Variants in OXNAD1 observed in about 807,000 individuals in gnomAD.
The protein encoded by OXNAD1 is oxidoreductase NAD binding domain containing 1, also known as oxidoreductase NAD-binding domain-containing protein 1.
OXNAD1 carries 34 observed loss-of-function variants against 32.9 expected under a neutral mutation model. The ratio of observed to expected loss-of-function variants is 1.03; its 90% confidence interval spans 0.79 to 1.38. OXNAD1 has a LOEUF of 1.38. Ranked by LOEUF, OXNAD1 falls within the 40% of genes most tolerant of loss-of-function variation. The pLI is 0.00. For synonymous variants in OXNAD1, 134 were observed against 135.2 expected (o/e 0.99, Z 0.06); for missense variants, 407 against 379.4 (o/e 1.07, Z -0.60).
At chr3:16,279,527 T>A (rs1410521849) in intron 4 of OXNAD1, among the ~76,000 whole-genome samples, 1 of 151,866 alleles carries the variant, frequency 6.6e-6, no homozygotes, top group Non-Finnish European at 1.5e-5. Flanking sequence ...AGATGAAAAG[T>A]TGAGGCCACG....
In OXNAD1 at chr3:16,304,731, C is replaced by T. The variant is rs2067423839; in HGVS notation, c.*1169C>T. ...GGTGAAGGGAGCCTGGGAAGAAGGACAGATAAGTGCTGGAGACCTAGGAGC... is the reference window on the plus strand; with the variant it reads ...GGTGAAGGGAGCCTGGGAAGAAGGATAGATAAGTGCTGGAGACCTAGGAGC... On this transcript the variant is annotated 3_prime_UTR_variant, in exon 9 of 9. Transcript: ENST00000285083. This position sits in a 1 kb window ranked among gnomAD's most constrained non-coding sequence, Gnocchi z 4.6. 1 of 152,268 alleles carries T rather than the reference C, an allele frequency of 6.6e-6. No homozygotes were observed. Among genetic ancestry groups the T allele is most frequent in the Non-Finnish European group, 1.5e-5 (1 of 68,108 alleles). 9.4% of individuals were successfully genotyped at this position (152,268 alleles called of 1,614,324 possible).
Position 16,327,018 on chromosome 3 carries a change from C to G in OXNAD1, c.*31-10094C>G, listed in dbSNP as rs2069773762. 1.7e-6 allele frequency: 1 copy of G among 600,476 alleles called. No individual in the cohort carries two copies. The highest frequency in any genetic ancestry group is 2.9e-6 in the Non-Finnish European group (1 of 343,954). 37.2% of individuals were successfully genotyped at this position (600,476 alleles called of 1,614,324 possible). A position where few individuals can be genotyped will look rare whatever the true frequency, so the allele number is the denominator to read the frequency against. ...CCACTCAGAGGCTCCTGCTCCGATG[C>G]TTGCTGAAGACTTTAAAAGTTTGGA... is the stretch of plus-strand genomic sequence containing the variant. On this transcript the variant is annotated intron_variant, in intron 9 of 9. Coordinates refer to the OXNAD1 transcript ENST00000435829. This position sits in a 1 kb window ranked among gnomAD's most constrained non-coding sequence, Gnocchi z 4.2.
intron 5 of OXNAD1, among the ~76,000 whole-genome samples, chr3:16,286,826 G>T (rs565750527): frequency 6.6e-6 from 1 of 152,318 alleles, no homozygotes; most frequent in Admixed American, 6.5e-5. Context: ...GAGATTCATA[G>T]GTTTTTTAAA....
downstream of OXNAD1, among the ~76,000 whole-genome samples, chr3:16,307,737 CT>C (rs869282317): frequency 2.4e-5 from 2 of 83,892 alleles, no homozygotes; most frequent in African/African-American, 1.5e-4. Flanking sequence ...ATTTTTTAAA[CT>C]TTTTGTTTTG....
chr3:16,292,801 T>A (rs1276003419), intron 5 of OXNAD1, among the ~76,000 whole-genome samples: 1 of 152,204 alleles, frequency 6.6e-6, no homozygotes, highest in Non-Finnish European at 1.5e-5. Context: ...TTAAATTGCT[T>A]TGGCAGCCTT....
At chr3:16,349,905 T>C (rs1003412911) in exon 10 of OXNAD1, 6 of 152,272 alleles carry the variant, frequency 3.9e-5, no homozygotes, top group African/African-American at 1.2e-4. Flanking sequence ...TGTTGCAGTT[T>C]TGAGTCTGCA....
chr3:16,294,470 A>G (rs2066636251), intron 5 of OXNAD1, among the ~76,000 whole-genome samples: 1 of 152,198 alleles, frequency 6.6e-6, no homozygotes, highest in Non-Finnish European at 1.5e-5. Context: ...TGGCCTCCCA[A>G]AGTGCTGGGA....
At position 16,322,593 on chromosome 3, in the gene OXNAD1, A is replaced by G. The variant is rs1045311344; in HGVS notation, c.*31-14519A>G. Among the ~76,000 whole-genome samples, 2 of 152,170 alleles carry G rather than the reference A, an allele frequency of 1.3e-5. No homozygotes were observed. The highest frequency in any genetic ancestry group is 2.9e-5 in the Non-Finnish European group (2 of 68,018). Reference sequence around the variant, plus strand: ...CGACTCACTGGCCTCTTCCCCAGCAACTGGTGAAAATGTCCTCAGGAAAAG... The same window carrying G: ...CGACTCACTGGCCTCTTCCCCAGCAGCTGGTGAAAATGTCCTCAGGAAAAG... On this transcript the variant is annotated intron_variant, in intron 9 of 9. Coordinates refer to the OXNAD1 transcript ENST00000435829. This position sits in a 1 kb window ranked among gnomAD's most constrained non-coding sequence, Gnocchi z 6.2.
intron 9 of OXNAD1, among the ~76,000 whole-genome samples, chr3:16,331,731 G>A (rs540881197): frequency 8.5e-5 from 13 of 152,202 alleles, no homozygotes; most frequent in Middle Eastern, 3.4e-3. Context: ...TGGGTTCTTC[G>A]TAAATTACTG....
At chr3:16,308,547 TC>T (rs1575171474), downstream of OXNAD1, among the ~76,000 whole-genome samples, 1 of 152,142 alleles carries the variant, frequency 6.6e-6, no homozygotes, top group East Asian at 1.9e-4. The surrounding 1 kb of genome is among the most constrained non-coding windows in gnomAD (Gnocchi z 4.4). Flanking sequence ...CGTTATTTCA[TC>T]TTATTTTATT....
In OXNAD1 at chr3:16,327,634, G is replaced by A. The variant is rs1054751354; in HGVS notation, c.*31-9478G>A. Among the ~76,000 whole-genome samples the A allele has an allele frequency of 3.3e-5, 5 of 151,994 alleles. No homozygotes were observed. Among genetic ancestry groups the A allele is most frequent in the African/African-American group, 4.8e-5 (2 of 41,356 alleles). ...AAATTAGCCAGGCCTGGTGGCGGGC[G>A]CCTGTAGTCCCAGCTACTCGGGAGG... On this transcript the variant is annotated intron_variant, in intron 9 of 9. Transcript: ENST00000435829. This position sits in a 1 kb window ranked among gnomAD's most constrained non-coding sequence, Gnocchi z 4.2.
rs2064963459 is a variant in OXNAD1, at chr3:16,271,814, G to T, written c.183+92G>T. On this transcript the variant is annotated intron_variant, in intron 4 of 8. Transcript: ENST00000285083. The surrounding 1 kb of genome is among the most constrained non-coding windows in gnomAD (Gnocchi z 4.6). ...ATGGGTAAAGCATTAGATGAGTCTG[G>T]TCCTTTTGAAGGAGAGTTGGGAAGT... The T allele has an allele frequency of 9.2e-7, 1 of 1,090,952 alleles. No individual in the cohort carries two copies. Among genetic ancestry groups the T allele is most frequent in the East Asian group, 2.5e-5 (1 of 39,668 alleles). The allele number at this position is 1,090,952 out of a possible 1,614,324, so 67.6% of individuals were successfully genotyped here. A position where few individuals can be genotyped will look rare whatever the true frequency, so the allele number is the denominator to read the frequency against.
chr3:16,326,853 G>T (rs146826796), intron 9 of OXNAD1: 3 of 1,613,844 alleles, frequency 1.9e-6, no homozygotes, highest in Non-Finnish European at 2.5e-6. Context: ...GCAGGGGCAC[G>T]TAGTCTGTCT....
rs1387844134 is a variant in OXNAD1, at chr3:16,345,027, G to A, written c.*31-4149G>A. ...TAAGAAATGGGGGCAGCCCCCAGGA[G>A]CAAGGACCAGCTCCTGGATAACTGC... is the stretch of plus-strand genomic sequence containing the variant. On this transcript the variant is annotated intron_variant, in intron 9 of 9. Coordinates refer to the OXNAD1 transcript ENST00000606098. This position sits in a 1 kb window ranked among gnomAD's most constrained non-coding sequence, Gnocchi z 5.2. 1.3e-5 allele frequency: 2 copies of A among 152,254 alleles called. No individual in the cohort carries two copies. Among genetic ancestry groups the A allele is most frequent in the East Asian group, 3.8e-4 (2 of 5,196 alleles). The allele number at this position is 152,254 out of a possible 1,614,324, so 9.4% of individuals were successfully genotyped here.
intron 4 of OXNAD1, among the ~76,000 whole-genome samples, chr3:16,272,620 ATGTGT>A (rs2065028132): frequency 6.8e-6 from 1 of 148,068 alleles, no homozygotes; most frequent in Admixed American, 6.7e-5. Flanking sequence ...ACTAAGGGTA[ATGTGT>A]TTGTTGATTC....
At chr3:16,331,800 T>G (rs890901114) in intron 9 of OXNAD1, among the ~76,000 whole-genome samples, 1 of 152,234 alleles carries the variant, frequency 6.6e-6, no homozygotes, top group Non-Finnish European at 1.5e-5. Context: ...GAGCACATCC[T>G]GTAGTGACTC....
intron 9 of OXNAD1, among the ~76,000 whole-genome samples, chr3:16,315,352 G>A (rs906564566): frequency 2.6e-5 from 4 of 152,188 alleles, no homozygotes; most frequent in Admixed American, 2.0e-4. Flanking sequence ...CTGACCTCAG[G>A]TGATCAGCCT....
chr3:16,295,023 G>A (rs1354338722), intron 6 of OXNAD1, 26 bp downstream of exon 6: 9 of 1,583,762 alleles, frequency 5.7e-6, no homozygotes, highest in South Asian at 2.3e-5. Flanking sequence ...GTTTAAACGC[G>A]ATGATCTGGG....
At chr3:16,338,350 G>A (rs1306720030), downstream of OXNAD1, among the ~76,000 whole-genome samples, 4 of 152,244 alleles carry the variant, frequency 2.6e-5, no homozygotes, top group Admixed American at 2.0e-4. This position sits in a 1 kb window ranked among gnomAD's most constrained non-coding sequence, Gnocchi z 5.3. Flanking sequence ...GCTAAGGGGC[G>A]ATGGCTGGGG....
Sources: allele counts gnomAD v4.1 joint callset (sites outside exome capture counted in the v4.1 genomes callset), GRCh38; gene constraint gnomAD v4.1.1; non-coding constraint Gnocchi (gnomAD v3.1); transcripts MANE v1.5; gene names NCBI Gene and HGNC (gene_info 2026-07-23, HGNC 2026-07-21).